Variants in CDH6 observed in about 807,000 individuals in gnomAD.
The protein encoded by CDH6 is cadherin-6.
In CDH6, 31 loss-of-function variants were observed where a neutral mutation model predicts 78.0. The ratio of observed to expected loss-of-function variants is 0.40; its 90% CI spans 0.30 to 0.54. CDH6 has a LOEUF of 0.54. Among genes scored for constraint, CDH6 ranks in the 20% least tolerant of loss-of-function variants. The pLI is 0.56. For missense variants in CDH6, 724 were observed against 975.9 expected (o/e 0.74, Z 3.44); for synonymous variants, 376 against 368.8 (o/e 1.02, Z -0.23).
At chr5:31,258,581 A>G (rs1742121842) in intron 1 of CDH6, among the ~76,000 whole-genome samples, 1 of 152,074 alleles carries the variant, frequency 6.6e-6, no homozygotes, top group African/African-American at 2.4e-5. Context: ...GCATGTGTAT[A>G]TCTATGAAAC....
At chr5:31,195,537 C>T (rs568677527) in intron 1 of CDH6, among the ~76,000 whole-genome samples, 5 of 152,244 alleles carry the variant, frequency 3.3e-5, no homozygotes, top group Admixed American at 1.3e-4. Context: ...AGCATCATCC[C>T]GTGTGTAATA....
intron 1 of CDH6, among the ~76,000 whole-genome samples, chr5:31,234,769 A>G (rs185276218): frequency 6.6e-6 from 1 of 152,216 alleles, no homozygotes; most frequent in African/African-American, 2.4e-5. Flanking sequence ...CAAATTATAT[A>G]CATAAACATA....
intron 1 of CDH6, among the ~76,000 whole-genome samples, chr5:31,199,349 GTA>G (rs1308367125): frequency 6.7e-6 from 1 of 149,290 alleles, no homozygotes; most frequent in African/African-American, 2.5e-5. Context: ...TACATATGGT[GTA>G]TATATATGAT....
chr5:31,299,545 G>A lies in CDH6; in HGVS notation c.725G>A (p.Gly242Asp). 1 of 1,613,780 alleles carries A rather than the reference G, an allele frequency of 6.2e-7. No individual in the cohort carries two copies. The highest frequency in any genetic ancestry group is 8.5e-7 in the Non-Finnish European group (1 of 1,179,790). Residue 242 changes from glycine to aspartate, a missense_variant, in exon 5 of 12, where the codon GGC becomes GAC. Transcript: ENST00000265071. The part of the protein sequence containing the change: ...YQVVIQAKDM[G>D]GQMGGLSGTT... ...GTGGTGATTCAAGCCAAGGATATGG[G>A]CGGCCAGATGGGAGGATTATCTGGG...
chr5:31,289,922 T>A (rs1199711367), intron 2 of CDH6, among the ~76,000 whole-genome samples: 1 of 151,808 alleles, frequency 6.6e-6, no homozygotes, highest in East Asian at 1.9e-4. Flanking sequence ...TGGAGCTACA[T>A]CTACAACCAA....
At position 31,305,185 on chromosome 5, in the gene CDH6, T is replaced by C; in HGVS notation, c.1011T>C (p.Phe337=). ...CCCCCAACCTCAAGCTCTTGGACTTTGAAAAGAAGAAAGTGTATACCCTTA... is the reference window on the plus strand; with the variant it reads ...CCCCCAACCTCAAGCTCTTGGACTTCGAAAAGAAGAAAGTGTATACCCTTA... ...GIITVKKLLD[F]EKKKVYTLKV... The change falls in exon 7 of 12, where the codon TTT becomes TTC. Residue 337 remains phenylalanine (F), a synonymous_variant. Coordinates refer to ENST00000265071, the MANE Select transcript of CDH6 (RefSeq NM_004932.4). 3.1e-6 allele frequency: 5 copies of C among 1,611,626 alleles called. No homozygotes were observed. Among genetic ancestry groups the C allele is most frequent in the Non-Finnish European group, 4.2e-6 (5 of 1,178,782 alleles).
chr5:31,203,295 G>A (rs1740418134), intron 1 of CDH6, among the ~76,000 whole-genome samples: 1 of 134,454 alleles, frequency 7.4e-6, no homozygotes, highest in Non-Finnish European at 1.6e-5. Flanking sequence ...TGTGCACATT[G>A]TGCAGGTTAG....
chr5:31,240,348 T>G (rs1322031614), intron 1 of CDH6, among the ~76,000 whole-genome samples: 1 of 152,208 alleles, frequency 6.6e-6, no homozygotes, highest in Non-Finnish European at 1.5e-5. Context: ...ATTTCTTTCT[T>G]CAATTTGCGG....
At chr5:31,286,110 AAG>A (rs910261995) in intron 2 of CDH6, among the ~76,000 whole-genome samples, 3 of 152,158 alleles carry the variant, frequency 2.0e-5, no homozygotes, top group African/African-American at 7.2e-5. Flanking sequence ...TAATTTTTAC[AAG>A]ATTCATTTAT....
intron 1 of CDH6, among the ~76,000 whole-genome samples, chr5:31,243,869 G>T (rs1028787008): frequency 6.6e-6 from 1 of 152,154 alleles, no homozygotes; most frequent in Admixed American, 6.5e-5. Context: ...TAAAATGTTT[G>T]CTTCCAATCT....
At chr5:31,287,460 C>G (rs1042647956) in intron 2 of CDH6, among the ~76,000 whole-genome samples, 1 of 152,134 alleles carries the variant, frequency 6.6e-6, no homozygotes, top group Non-Finnish European at 1.5e-5. Flanking sequence ...GGTAGGCCCT[C>G]TACTAAGCAT....
In CDH6 at chr5:31,233,384, G is replaced by A. The variant is rs954991220; in HGVS notation, c.-128-33962G>A. On this transcript the variant is annotated intron_variant, in intron 1 of 11. Coordinates refer to ENST00000265071, the MANE Select transcript of CDH6 (RefSeq NM_004932.4). ...ACAAAAATTAACCGGGCATAGTTGT[G>A]CACACCTGTAGTCCCAGCTACTCAG... is the stretch of plus-strand genomic sequence containing the variant. 4.0e-5 allele frequency among the ~76,000 whole-genome samples: 6 copies of A among 151,668 alleles called. No homozygotes were observed. The East Asian group carries it at 1.2e-3, about 29-fold the overall frequency.
intron 1 of CDH6, among the ~76,000 whole-genome samples, chr5:31,199,605 C>A (rs1332135817): frequency 1.4e-5 from 2 of 138,374 alleles, no homozygotes; most frequent in African/African-American, 5.3e-5. Flanking sequence ...ATATATATAT[C>A]ATGGATAGAA....
At chr5:31,291,854 A>G (rs2149946138) in intron 2 of CDH6, among the ~76,000 whole-genome samples, 1 of 152,260 alleles carries the variant, frequency 6.6e-6, no homozygotes, top group East Asian at 1.9e-4. Context: ...TTCTGATTGC[A>G]TTTATCTCAC....
rs1229522926 is a variant in CDH6 at position 31,317,909 on chromosome 5, A to G, written c.1867A>G (p.Ile623Val). The change falls in exon 11 of 12, where the codon ATC becomes GTC. Residue 623 changes from isoleucine to valine, a missense_variant. Transcript: ENST00000265071. The stretch of plus-strand genomic sequence containing the variant: ...GGCTCTGGTTGCCATCCTTCTGTGC[A>G]TCGTGATCCTACTAGGTAAACTGGT... Reference protein sequence around the residue: ...TGALVAILLCIVILLVTVVLF... With the variant: ...TGALVAILLCVVILLVTVVLF... The G allele has an allele frequency of 6.2e-7, 1 of 1,613,418 alleles. No individual in the cohort carries two copies. Among genetic ancestry groups the G allele is most frequent in the Non-Finnish European group, 8.5e-7 (1 of 1,180,016 alleles).
chr5:31,317,051 C>T (rs1738344632), intron 9 of CDH6, among the ~76,000 whole-genome samples: 1 of 152,128 alleles, frequency 6.6e-6, no homozygotes, highest in Non-Finnish European at 1.5e-5. Flanking sequence ...GGGTGATTTC[C>T]TCCCTGGGGA....
intron 1 of CDH6, among the ~76,000 whole-genome samples, chr5:31,220,673 G>T (rs567162354): frequency 6.6e-6 from 1 of 152,132 alleles, no homozygotes; most frequent in Non-Finnish European, 1.5e-5. Flanking sequence ...TGAAGAAGGT[G>T]GACCTGGAAA....
At chr5:31,286,109 C>T (rs1041648149) in intron 2 of CDH6, among the ~76,000 whole-genome samples, 1 of 152,154 alleles carries the variant, frequency 6.6e-6, no homozygotes, top group Non-Finnish European at 1.5e-5. Context: ...TTAATTTTTA[C>T]AAGATTCATT....
chr5:31,217,817 C>T (rs1262230026), intron 1 of CDH6, among the ~76,000 whole-genome samples: 2 of 152,160 alleles, frequency 1.3e-5, no homozygotes, highest in East Asian at 3.8e-4. Context: ...CTAATGTTTT[C>T]ATTAACCTTG....
Sources: allele counts gnomAD v4.1 joint callset (sites outside exome capture counted in the v4.1 genomes callset), GRCh38; gene constraint gnomAD v4.1.1; transcripts MANE v1.5; gene names NCBI Gene and HGNC (gene_info 2026-07-23, HGNC 2026-07-21).